CANX: variants seen among roughly 807,000 people sequenced by gnomAD.
CANX encodes epididymis secretory sperm binding protein.
CANX carries 14 observed loss-of-function variants against 75.7 expected under a neutral mutation model. The observed-to-expected ratio is 0.19, with a 90% CI of 0.12 to 0.29. The LOEUF is 0.29. CANX is among the 10% of genes least tolerant of loss of function. CANX has a pLI of 1.00. For synonymous variants in CANX, 227 were observed against 236.9 expected, an observed-to-expected ratio of 0.96 and a Z score of 0.38; for missense variants, 567 against 713.2, an observed-to-expected ratio of 0.79 and a Z score of 2.34.
At chr5:179,727,355 A>G (rs1778730533) in intron 14 of CANX, among the ~76,000 whole-genome samples, 2 of 152,228 alleles carry the variant, frequency 1.3e-5, no homozygotes, top group Non-Finnish European at 2.9e-5. Context: ...AAAGATACTA[A>G]AAGTGCTAGA....
intron 1 of CANX, among the ~76,000 whole-genome samples, chr5:179,680,531 G>T (rs767059231): frequency 3.9e-5 from 6 of 152,176 alleles, no homozygotes; most frequent in African/African-American, 1.4e-4. Context: ...ATCCTGGGGT[G>T]TGTGCCATGG....
At chr5:179,698,258 C>T (rs1776478006), upstream of CANX, 6 of 284,426 alleles carry the variant, frequency 2.1e-5, no homozygotes, top group South Asian at 3.0e-4. Context: ...TCTGCCCTGA[C>T]ACCTAATCTC....
intron 12 of CANX, 100 bp from the exon 13 acceptor site, chr5:179,724,557 G>A (rs1778524194): frequency 2.1e-6 from 2 of 943,548 alleles, no homozygotes; most frequent in Non-Finnish European, 1.7e-6. Context: ...ATCTATCCCT[G>A]TATACAGCCT....
intron 1 of CANX, chr5:179,679,036 C>T: frequency 6.5e-7 from 1 of 1,534,398 alleles, no homozygotes; most frequent in Non-Finnish European, 8.7e-7. Flanking sequence ...GCAGTGGCGG[C>T]CGCCGTGGCG....
chr5:179,688,449 T>C (rs1328461486), intron 1 of CANX, among the ~76,000 whole-genome samples: 1 of 148,584 alleles, frequency 6.7e-6, no homozygotes, highest in Non-Finnish European at 1.5e-5. Flanking sequence ...CTGCAAGCTC[T>C]GCCTCCCGGG....
At chr5:179,699,956 A>T (rs1776622355) in intron 1 of CANX, among the ~76,000 whole-genome samples, 1 of 152,178 alleles carries the variant, frequency 6.6e-6, no homozygotes, top group Admixed American at 6.6e-5. Flanking sequence ...CAAGTAATGG[A>T]TATAATAATA....
At chr5:179,725,402 C>A (rs1778581844) in intron 13 of CANX, among the ~76,000 whole-genome samples, 1 of 151,952 alleles carries the variant, frequency 6.6e-6, no homozygotes, top group Admixed American at 6.5e-5. Flanking sequence ...AAATTGTTGG[C>A]CAGGTGCGGT....
At chr5:179,697,513 T>C (rs1227066222), upstream of CANX, among the ~76,000 whole-genome samples, 1 of 152,196 alleles carries the variant, frequency 6.6e-6, no homozygotes, top group East Asian at 1.9e-4. Context: ...TAACTACATT[T>C]TAAGCTCATT....
intron 6 of CANX, 169 bp from the exon 7 acceptor site, chr5:179,709,701 CTGA>C (rs1777395768): frequency 2.1e-6 from 1 of 477,664 alleles, no homozygotes; most frequent in South Asian, 3.6e-5. Context: ...TTTAAATTTA[CTGA>C]TGATTGCTGG....
At chr5:179,696,369 G>A (rs150145525), upstream of CANX, among the ~76,000 whole-genome samples, 8 of 145,590 alleles carry the variant, frequency 5.5e-5, no homozygotes, top group African/African-American at 2.1e-4. Context: ...TCTGCCTCCC[G>A]GGTTCAAGCG....
chr5:179,708,183 T>G, intron 4 of CANX, 56 bp from the exon 5 acceptor site: 1 of 1,518,686 alleles, frequency 6.6e-7, no homozygotes, highest in Non-Finnish European at 9.1e-7. Flanking sequence ...TTTTGGCATT[T>G]AAAGGACCTT....
intron 7 of CANX, among the ~76,000 whole-genome samples, chr5:179,713,761 A>AG (rs56374416): frequency 1.8e-4 from 28 of 151,754 alleles, no homozygotes; most frequent in Admixed American, 6.6e-4. Flanking sequence ...CTACAAAAAA[A>AG]TAATTATTCA....
intron 1 of CANX, among the ~76,000 whole-genome samples, chr5:179,704,805 C>A (rs1421558741): frequency 6.6e-6 from 1 of 152,108 alleles, no homozygotes; most frequent in Non-Finnish European, 1.5e-5. Flanking sequence ...CACTGCACTC[C>A]AGCCTGGGCG....
rs1054552596 is a variant in CANX at position 179,698,982 on chromosome 5, C to T, written c.-124C>T. 1.2e-5 allele frequency: 14 copies of T among 1,125,048 alleles called. No homozygotes were observed. Among genetic ancestry groups the T allele is most frequent in the Non-Finnish European group, 1.3e-5 (12 of 912,372 alleles). The allele number at this position is 1,125,048 out of a possible 1,614,324, so 69.7% of individuals were successfully genotyped here. ...CTCGCGCGGCAGCGGTGGCCGAGGCCTCTTGGTTCTGCGGCACGTGACGGT... is the reference window on the plus strand; with the variant it reads ...CTCGCGCGGCAGCGGTGGCCGAGGCTTCTTGGTTCTGCGGCACGTGACGGT... On this transcript the variant is annotated 5_prime_UTR_variant, in exon 1 of 15. Coordinates refer to ENST00000247461, the MANE Select transcript of CANX (RefSeq NM_001746.4).
At chr5:179,713,058 T>C (rs986138571) in intron 7 of CANX, among the ~76,000 whole-genome samples, 1 of 151,792 alleles carries the variant, frequency 6.6e-6, no homozygotes, top group Admixed American at 6.6e-5. Context: ...TGTGAGTCAC[T>C]GTACCCAGCC....
In CANX at chr5:179,709,972, A is replaced by C. The variant is rs752100105; in HGVS notation, c.628A>C (p.Lys210Gln). The C allele has an allele frequency of 1.2e-6, 2 of 1,612,934 alleles. No individual in the cohort carries two copies. Among genetic ancestry groups the C allele is most frequent in the African/African-American group, 2.7e-5 (2 of 74,910 alleles). The change falls in exon 7 of 15, where the codon AAA (lysine) becomes CAA (glutamine). Residue 210 changes from lysine (K) to glutamine (Q), a missense_variant. Physicochemically the swap from Lys to Gln is moderately conservative, Grantham distance 53. Around this residue, in one of 3 missense-constraint regions of CANX, gnomAD observed 351 missense variants for 433.8 expected, o/e 0.81. Coordinates refer to ENST00000247461, the MANE Select transcript of CANX (RefSeq NM_001746.4). ...CTTCATCTTCCGACACAAAAACCCCAAAACGGGTATCTATGAAGAAAAACA... is the reference window on the plus strand; with the variant it reads ...CTTCATCTTCCGACACAAAAACCCCCAAACGGGTATCTATGAAGAAAAACA... ...LHFIFRHKNPKTGIYEEKHAK... is the reference protein window; with the variant it reads ...LHFIFRHKNPQTGIYEEKHAK...
At chr5:179,678,865 C>T (rs1202914731) in intron 1 of CANX, 3 of 1,536,342 alleles carry the variant, frequency 2.0e-6, no homozygotes, top group East Asian at 2.4e-5. Flanking sequence ...GCAGCGGCGA[C>T]CGCGTCCTCG....
In CANX at chr5:179,709,962, C is replaced by T. The variant is rs142118147; in HGVS notation, c.618C>T (p.His206=). Residue 206 remains histidine (H), a synonymous_variant, in exon 7 of 15, where the codon CAC becomes CAT. Coordinates refer to ENST00000247461, the MANE Select transcript of CANX (RefSeq NM_001746.4). ...EDYKLHFIFR[H]KNPKTGIYEE... is the part of the protein sequence containing the mutation. ...ATAAACTGCACTTCATCTTCCGACA[C>T]AAAAACCCCAAAACGGGTATCTATG... 6,178 of 1,612,926 alleles carry T rather than the reference C, an allele frequency of 3.8e-3. 20 individuals are homozygous for T. Among genetic ancestry groups the T allele is most frequent in the Non-Finnish European group, 4.6e-3 (5,478 of 1,179,046 alleles).
Position 179,729,460 on chromosome 5 carries a change from A to G in CANX, c.*816A>G, listed in dbSNP as rs1778871444. On this transcript the variant is annotated 3_prime_UTR_variant, in exon 15 of 15. Transcript: ENST00000247461. ...GCTTGTTAAGGAATGCTAGCAGGGCATGGCACGTGAGCTCCGGAATAGATG... is the reference window on the plus strand; with the variant it reads ...GCTTGTTAAGGAATGCTAGCAGGGCGTGGCACGTGAGCTCCGGAATAGATG... 6.5e-6 allele frequency: 1 copy of G among 152,926 alleles called. No homozygotes were observed. The highest frequency in any genetic ancestry group is 1.5e-5 in the Non-Finnish European group (1 of 68,158). The allele number at this position is 152,926 out of a possible 1,614,324, so 9.5% of individuals were successfully genotyped here.
Sources: allele counts gnomAD v4.1 joint callset (sites outside exome capture counted in the v4.1 genomes callset), GRCh38; gene constraint gnomAD v4.1.1; regional missense constraint gnomAD v4.1.1; transcripts MANE v1.5; gene names NCBI Gene and HGNC (gene_info 2026-07-23, HGNC 2026-07-21).